Variants in CDK19 observed in about 807,000 individuals in gnomAD.
CDK19 encodes the protein cyclin-dependent kinase 19.
In CDK19, 20 loss-of-function variants were observed where a neutral mutation model predicts 68.3. The observed-to-expected ratio is 0.29, with a 90% CI of 0.21 to 0.43. The LOEUF is 0.43. CDK19 is among the 20% of genes least tolerant of loss of function. The pLI is 1.00. For synonymous variants in CDK19, 221 were observed against 222.8 expected (o/e 0.99, Z 0.07); for missense variants, 339 against 623.5 (o/e 0.54, Z 4.86).
intron 1 of CDK19, among the ~76,000 whole-genome samples, chr6:110,795,662 G>A (rs1781888308): frequency 6.6e-6 from 1 of 151,990 alleles, no homozygotes; most frequent in Non-Finnish European, 1.5e-5. Context: ...CTTATAAGAC[G>A]CTATTTTAAG....
intron 1 of CDK19, among the ~76,000 whole-genome samples, chr6:110,759,416 A>ATAT (rs1562264973): frequency 1.9e-4 from 22 of 113,552 alleles, no homozygotes; most frequent in African/African-American, 8.9e-4. Context: ...AAAAAAAAAA[A>ATAT]AAAAAAAAAA....
At chr6:110,646,859 G>C (rs1582768782) in intron 4 of CDK19, among the ~76,000 whole-genome samples, 1 of 151,910 alleles carries the variant, frequency 6.6e-6, no homozygotes, top group Non-Finnish European at 1.5e-5. Context: ...GGGGCTCCCC[G>C]GCAGGTGAGA....
At chr6:110,742,509 G>C (rs6933235) in intron 2 of CDK19, among the ~76,000 whole-genome samples, 7,214 of 152,224 alleles carry the variant, frequency 0.047, 181 homozygotes, top group Middle Eastern at 0.078. Context: ...TGCCTGCGGG[G>C]TCAGGCAGAA....
intron 1 of CDK19, among the ~76,000 whole-genome samples, chr6:110,779,016 A>G (rs1289401286): frequency 1.3e-5 from 2 of 152,148 alleles, no homozygotes; most frequent in Non-Finnish European, 2.9e-5. Context: ...ATATACCTCT[A>G]TTTTGTTGAG....
chr6:110,673,457 A>C (rs767504386), intron 2 of CDK19, among the ~76,000 whole-genome samples: 3 of 152,072 alleles, frequency 2.0e-5, no homozygotes, highest in Non-Finnish European at 4.4e-5. Flanking sequence ...CTTTGTATAT[A>C]TACCCAGAAG....
In CDK19 at chr6:110,734,520, G is replaced by GCGCTCTCTCTCTCTCTCTCTCT. The variant is rs1554214772; in HGVS notation, c.204+11605_204+11606insAGAGAGAGAGAGAGAGAGAGCG. On this transcript the variant is annotated intron_variant, in intron 2 of 12. Transcript: ENST00000368911. ...TGATAAAACTAAGAGGGTGAGCACTGCTCTCTCTCTCTCTCTCTCTCTCTC... is the reference window on the plus strand; with the variant it reads ...TGATAAAACTAAGAGGGTGAGCACTGCGCTCTCTCTCTCTCTCTCTCTCTCTCTCTCTCTCTCTCTCTCTCTC... Among the ~76,000 whole-genome samples, 31 of 85,780 alleles carry GCGCTCTCTCTCTCTCTCTCTCT rather than the reference G, an allele frequency of 3.6e-4. 1 individual carries two copies. Among genetic ancestry groups the GCGCTCTCTCTCTCTCTCTCTCT allele is most frequent in the Non-Finnish European group, 1.6e-4 (7 of 42,846 alleles). 56.3% of individuals were successfully genotyped at this position (85,780 alleles called of 152,430 possible). A position where few individuals can be genotyped will look rare whatever the true frequency, so the allele number is the denominator to read the frequency against.
rs554937894 is a variant in CDK19 at position 110,621,553 on chromosome 6, C to G, written c.1111-183G>C. 1.3e-5 allele frequency among the ~76,000 whole-genome samples: 2 copies of G among 152,074 alleles called. No homozygotes were observed. The highest frequency in any genetic ancestry group is 1.3e-4 in the Admixed American group (2 of 15,272). ...AACACAGTGTTCCCAAAGGGCAAGG[C>G]GCTGAGCCCCAAACAGGACTCTTTC... On this transcript the variant is annotated intron_variant, in intron 11 of 12. Coordinates refer to ENST00000368911, the MANE Select transcript of CDK19 (RefSeq NM_015076.5). This position sits in a 1 kb window ranked among gnomAD's most constrained non-coding sequence, Gnocchi z 5.4.
chr6:110,646,486 G>C, intron 4 of CDK19: 1 of 1,454,624 alleles, frequency 6.9e-7, no homozygotes, highest in Non-Finnish European at 9.1e-7. Context: ...AGCCCAGCTC[G>C]TTCTGTGCCA....
chr6:110,644,683 A>G (rs1582761812), intron 4 of CDK19, among the ~76,000 whole-genome samples: 1 of 152,002 alleles, frequency 6.6e-6, no homozygotes, highest in Non-Finnish European at 1.5e-5. Context: ...ACCTCGGCAC[A>G]CTTCTTGCCC....
At chr6:110,734,368 T>C (rs936093106) in intron 2 of CDK19, among the ~76,000 whole-genome samples, 2 of 152,146 alleles carry the variant, frequency 1.3e-5, no homozygotes, top group Admixed American at 6.6e-5. Context: ...GTAACCCTAG[T>C]TGCAGCAGTT....
intron 4 of CDK19, among the ~76,000 whole-genome samples, chr6:110,653,605 C>CCT (rs1208956580): frequency 6.6e-6 from 1 of 152,096 alleles, no homozygotes; most frequent in Non-Finnish European, 1.5e-5. Context: ...GAGTTGGATG[C>CCT]CTCACATTTA....
At chr6:110,743,391 C>T (rs1184952672) in intron 2 of CDK19, among the ~76,000 whole-genome samples, 2 of 152,152 alleles carry the variant, frequency 1.3e-5, no homozygotes, top group East Asian at 1.9e-4. Flanking sequence ...CCTGTAACTA[C>T]AGCACTTTGG....
At chr6:110,678,146 C>T (rs1483587612) in intron 2 of CDK19, among the ~76,000 whole-genome samples, 2 of 152,200 alleles carry the variant, frequency 1.3e-5, no homozygotes, top group Middle Eastern at 3.4e-3. Context: ...CCACACTAGC[C>T]CAGAAAGACA....
chr6:110,759,428 A>AAAAAAAAAATAT (rs1275389842), intron 1 of CDK19, among the ~76,000 whole-genome samples: 1 of 50,916 alleles, frequency 2.0e-5, no homozygotes, highest in African/African-American at 8.7e-5. Flanking sequence ...AAAAAAAAAA[A>AAAAAAAAAATAT]ATATATATAT....
At position 110,808,937 on chromosome 6, in the gene CDK19, T is replaced by A. The variant is rs191666396; in HGVS notation, c.128+6072A>T. Among the ~76,000 whole-genome samples the A allele has an allele frequency of 1.9e-3, 295 of 152,022 alleles. 1 individual carries two copies. Among genetic ancestry groups the A allele is most frequent in the Non-Finnish European group, 3.2e-3 (215 of 67,976 alleles). ...TTCAAAGAAATGGGGCCAGGCGTGG[T>A]GGCTCACACTTGTAATCCCGGCACT... On this transcript the variant is annotated intron_variant, in intron 1 of 12. Coordinates refer to ENST00000368911, the MANE Select transcript of CDK19 (RefSeq NM_015076.5).
chr6:110,646,905 G>A (rs1296515249), intron 4 of CDK19, among the ~76,000 whole-genome samples: 1 of 151,898 alleles, frequency 6.6e-6, no homozygotes, highest in Non-Finnish European at 1.5e-5. Context: ...TTGCTGCCTC[G>A]GGCCGCGTGA....
At chr6:110,742,276 T>C (rs1777734541) in intron 2 of CDK19, among the ~76,000 whole-genome samples, 7 of 152,214 alleles carry the variant, frequency 4.6e-5, no homozygotes, top group Admixed American at 4.6e-4. Context: ...CATGGACATT[T>C]ATCAGTTCCC....
rs946861566 is a variant in CDK19, at chr6:110,815,314, A to G, written c.-178T>C. The G allele has an allele frequency of 3.4e-6, 2 of 580,786 alleles. No homozygotes were observed. Among genetic ancestry groups the G allele is most frequent in the South Asian group, 4.2e-5 (1 of 24,010 alleles). The allele number at this position is 580,786 out of a possible 1,614,324, so 36.0% of individuals were successfully genotyped here. A position where few individuals can be genotyped will look rare whatever the true frequency, so the allele number is the denominator to read the frequency against. ...TTCAGCAAGGGACTCCTCGGCGGCC[A>G]CAGCAGCCACCTCCTCCACCTCTTC... On this transcript the variant is annotated 5_prime_UTR_variant, in exon 1 of 13. Transcript: ENST00000368911.
chr6:110,789,435 C>G (rs144691078), intron 1 of CDK19, among the ~76,000 whole-genome samples: 2 of 152,120 alleles, frequency 1.3e-5, no homozygotes, highest in Non-Finnish European at 1.5e-5. Flanking sequence ...TGCACCACCA[C>G]GCCCAGCTAA....
Sources: gnomAD v4.1 joint callset for allele counts (sites outside exome capture counted in the v4.1 genomes callset) on GRCh38, gnomAD v4.1.1 for gene constraint, Gnocchi (gnomAD v3.1) non-coding constraint, MANE v1.5 for transcripts, NCBI Gene and HGNC (gene_info 2026-07-23, HGNC 2026-07-21) for gene names.